Variants in KIAA1217 observed in about 807,000 individuals in gnomAD.
KIAA1217 encodes the protein sickle tail protein homolog.
KIAA1217 carries 88 observed loss-of-function variants against 163.9 expected under a neutral mutation model. The ratio of observed to expected loss-of-function variants is 0.54; its 90% CI spans 0.45 to 0.64. KIAA1217 has a LOEUF of 0.64. KIAA1217 is among the 30% of genes least tolerant of loss of function. The pLI, the probability that KIAA1217 is intolerant of heterozygous loss-of-function variation, is 0.00. For synonymous variants in KIAA1217, 903 were observed against 923.1 expected, an observed-to-expected ratio of 0.98 and a Z score of 0.39; for missense variants, 2,372 against 2,475.0, an observed-to-expected ratio of 0.96 and a Z score of 0.88.
intron 2 of KIAA1217, among the ~76,000 whole-genome samples, chr10:24,034,655 G>A (rs1848318801): frequency 6.6e-6 from 1 of 152,088 alleles, no homozygotes; most frequent in Non-Finnish European, 1.5e-5. Context: ...AGATCAGGAG[G>A]CGGGGCAAAG....
chr10:23,906,612 T>C (rs1842173239), intron 1 of KIAA1217, among the ~76,000 whole-genome samples: 5 of 152,100 alleles, frequency 3.3e-5, no homozygotes, highest in Admixed American at 2.6e-4. Context: ...ATAAACTACT[T>C]AAGAAAGTTG....
chr10:23,966,551 C>G (rs550668147), intron 1 of KIAA1217, among the ~76,000 whole-genome samples: 1 of 152,300 alleles, frequency 6.6e-6, no homozygotes, highest in Non-Finnish European at 1.5e-5. Flanking sequence ...CCCTGCCCTG[C>G]AGTTTGCAGC....
At chr10:24,481,048 C>T (rs994729280) in intron 6 of KIAA1217, 2 of 152,044 alleles carry the variant, frequency 1.3e-5, no homozygotes, top group Admixed American at 6.6e-5. Flanking sequence ...TGTTTTGATG[C>T]CTAATAGTGC....
At chr10:23,762,371 T>G (rs7904141) in intron 1 of KIAA1217, among the ~76,000 whole-genome samples, 5 of 151,240 alleles carry the variant, frequency 3.3e-5, no homozygotes, top group Admixed American at 1.3e-4. Context: ...GAAATCCTCA[T>G]TAACGGGCAA....
chr10:23,821,104 C>CGTGTGTGTGTGTGT (rs3072739), intron 1 of KIAA1217, among the ~76,000 whole-genome samples: 2 of 143,130 alleles, frequency 1.4e-5, no homozygotes, highest in African/African-American at 5.0e-5. Flanking sequence ...TGTGTGTGTG[C>CGTGTGTGTGTGTGT]GTGTGTGTGT....
intron 2 of KIAA1217, among the ~76,000 whole-genome samples, chr10:24,064,985 A>T (rs1462294767): frequency 6.6e-6 from 1 of 151,996 alleles, no homozygotes; most frequent in Non-Finnish European, 1.5e-5. Flanking sequence ...ATCGGTGGTG[A>T]TATCACCTTT....
intron 1 of KIAA1217, among the ~76,000 whole-genome samples, chr10:23,854,240 C>T (rs1358013648): frequency 1.3e-5 from 2 of 152,072 alleles, no homozygotes. Context: ...TTTCAAAGAA[C>T]ATCTATATGT....
chr10:23,798,653 C>A (rs1836323957), intron 1 of KIAA1217, among the ~76,000 whole-genome samples: 1 of 152,086 alleles, frequency 6.6e-6, no homozygotes, highest in Non-Finnish European at 1.5e-5. Flanking sequence ...TCTCCTAAAA[C>A]TAGAAAAGAA....
intron 2 of KIAA1217, among the ~76,000 whole-genome samples, chr10:24,073,582 G>T (rs923695811): frequency 2.0e-5 from 3 of 152,200 alleles, no homozygotes; most frequent in African/African-American, 7.2e-5. Context: ...ATTTGAGATG[G>T]TCTTACTCTA....
At chr10:23,732,936 T>A (rs527846467) in intron 1 of KIAA1217, among the ~76,000 whole-genome samples, 1 of 152,290 alleles carries the variant, frequency 6.6e-6, no homozygotes, top group East Asian at 1.9e-4. Context: ...TTTGGAGAGA[T>A]ACATGATGAT....
chr10:23,927,546 A>T (rs535175497), intron 1 of KIAA1217, among the ~76,000 whole-genome samples: 3 of 152,202 alleles, frequency 2.0e-5, no homozygotes, highest in Non-Finnish European at 4.4e-5. Context: ...ACATGCTGTG[A>T]GATGCTCATA....
intron 2 of KIAA1217, among the ~76,000 whole-genome samples, chr10:24,253,553 T>C (rs1007585934): frequency 6.6e-6 from 1 of 152,282 alleles, no homozygotes; most frequent in East Asian, 1.9e-4. Context: ...ACATCTTCAG[T>C]GTCCACTTGG....
Position 23,897,463 on chromosome 10 carries a change from G to A in KIAA1217, c.-320-109762G>A, listed in dbSNP as rs527485970. Among the ~76,000 whole-genome samples, 9 of 152,154 alleles carry A rather than the reference G, an allele frequency of 5.9e-5. No individual in the cohort carries two copies. The South Asian group carries it at 1.9e-3, about 32-fold the overall frequency. On this transcript the variant is annotated intron_variant, in intron 1 of 18. Transcript: ENST00000376462. ...GCTTTGTTGGTGTTCACTGGTATCA[G>A]AGAAACAATGGACTTTGAGCTTCAG...
intron 1 of KIAA1217, among the ~76,000 whole-genome samples, chr10:23,949,262 C>G (rs1026499271): frequency 6.6e-6 from 1 of 152,158 alleles, no homozygotes; most frequent in African/African-American, 2.4e-5. Flanking sequence ...AAGATACCCT[C>G]ATGTACAAAA....
At chr10:24,301,476 C>T (rs2132712078) in intron 2 of KIAA1217, among the ~76,000 whole-genome samples, 1 of 152,234 alleles carries the variant, frequency 6.6e-6, no homozygotes, top group Admixed American at 6.5e-5. Flanking sequence ...CTTCATGTCA[C>T]CACAGTGCCA....
chr10:24,406,513 A>C (rs1185236953), intron 3 of KIAA1217, among the ~76,000 whole-genome samples: 2 of 152,140 alleles, frequency 1.3e-5, no homozygotes, highest in Non-Finnish European at 2.9e-5. Flanking sequence ...AAATAAAAGA[A>C]ACCTGAACAC....
chr10:23,802,403 A>T (rs138675745), intron 1 of KIAA1217, among the ~76,000 whole-genome samples: 78 of 152,358 alleles, frequency 5.1e-4, no homozygotes, highest in African/African-American at 1.6e-3. Context: ...TGAATGTTCC[A>T]ATAAAGCAGC....
At chr10:23,810,744 C>G (rs1836977422) in intron 1 of KIAA1217, among the ~76,000 whole-genome samples, 3 of 123,214 alleles carry the variant, frequency 2.4e-5, no homozygotes, top group African/African-American at 9.7e-5. Flanking sequence ...ATTATATATA[C>G]TATATAATAT....
At chr10:23,821,098 T>TGTGTGC (rs749831926) in intron 1 of KIAA1217, among the ~76,000 whole-genome samples, 2 of 128,760 alleles carry the variant, frequency 1.6e-5, no homozygotes, top group Non-Finnish European at 3.2e-5. Context: ...TGCAGCTGTG[T>TGTGTGC]GTGTGCGTGT....
Sources: allele counts gnomAD v4.1 joint callset (sites outside exome capture counted in the v4.1 genomes callset), GRCh38; gene constraint gnomAD v4.1.1; transcripts MANE v1.5; gene names NCBI Gene and HGNC (gene_info 2026-07-23, HGNC 2026-07-21).